ATXN10: variants seen among roughly 807,000 people sequenced by gnomAD.
ATXN10 encodes the protein ataxin-10.
In ATXN10, 28 loss-of-function variants were observed where a neutral mutation model predicts 52.9. That is an observed-to-expected ratio of 0.53 (90% CI 0.39 to 0.73). The LOEUF is 0.73. Ranked by LOEUF, ATXN10 falls within the 30% of genes least tolerant of loss-of-function variation. The pLI, the probability that ATXN10 is intolerant of heterozygous loss-of-function variation, is 0.00. For missense variants in ATXN10, 565 were observed against 577.0 expected, an observed-to-expected ratio of 0.98 and a Z score of 0.21; for synonymous variants, 226 against 221.5, an observed-to-expected ratio of 1.02 and a Z score of -0.18.
intron 6 of ATXN10, among the ~76,000 whole-genome samples, chr22:45,719,852 C>A (rs190351084): frequency 6.6e-6 from 1 of 152,118 alleles, no homozygotes; most frequent in Non-Finnish European, 1.5e-5. Flanking sequence ...ATTCATTCAT[C>A]GTGTTGTGTC....
At chr22:45,710,305 T>C (rs1225495938) in intron 5 of ATXN10, among the ~76,000 whole-genome samples, 6 of 152,230 alleles carry the variant, frequency 3.9e-5, no homozygotes, top group Admixed American at 3.3e-4. Flanking sequence ...CCTGAATCTT[T>C]ACATCCGCTG....
intron 3 of ATXN10, among the ~76,000 whole-genome samples, chr22:45,695,381 A>T (rs1457989515): frequency 6.6e-6 from 1 of 152,192 alleles, no homozygotes; most frequent in African/African-American, 2.4e-5. Context: ...AATTCAATGA[A>T]TATAACCTTT....
In ATXN10 at chr22:45,759,520, CAAAA is replaced by C. The variant is rs1470012429; in HGVS notation, c.1173+18985_1173+18988del. Among the ~76,000 whole-genome samples the C allele has an allele frequency of 6.6e-6, 1 of 152,056 alleles. No homozygotes were observed. The highest frequency in any genetic ancestry group is 2.1e-4 in the South Asian group (1 of 4,822). On this transcript the variant is annotated intron_variant, in intron 9 of 11. Transcript: ENST00000252934. This position sits in a 1 kb window ranked among gnomAD's most constrained non-coding sequence, Gnocchi z 5.4. ...CAAGACTCCGTGTCAAACAAACAAA[CAAAA>C]AAGATTCTAGAGCAGTCTGATCAGG...
At chr22:45,834,737 G>C (rs1341449601) in intron 10 of ATXN10, among the ~76,000 whole-genome samples, 1 of 152,086 alleles carries the variant, frequency 6.6e-6, no homozygotes, top group African/African-American at 2.4e-5. Flanking sequence ...ATAGGAGTCT[G>C]AGCACATGGT....
chr22:45,736,970 T>C (rs2146798492), intron 7 of ATXN10, among the ~76,000 whole-genome samples: 1 of 152,348 alleles, frequency 6.6e-6, no homozygotes, highest in South Asian at 2.1e-4. Context: ...ATTCTTAGGT[T>C]CTGTGAGGTA....
chr22:45,715,521 T>C lies in ATXN10; in HGVS notation c.648-2892T>C, dbSNP rs1220245291. ...AACTTTCTTATAACATGAGTTGTTT[T>C]TGTTATTTGCTGTTGTTGTTGTTGT... On this transcript the variant is annotated intron_variant, in intron 5 of 11. Transcript: ENST00000252934. This position sits in a 1 kb window ranked among gnomAD's most constrained non-coding sequence, Gnocchi z 4.4. 6.6e-6 allele frequency among the ~76,000 whole-genome samples: 1 copy of C among 152,244 alleles called. No homozygotes were observed. The highest frequency in any genetic ancestry group is 1.5e-5 in the Non-Finnish European group (1 of 68,048).
intron 9 of ATXN10, among the ~76,000 whole-genome samples, chr22:45,794,008 C>T (rs1226056486): frequency 3.3e-5 from 5 of 152,126 alleles, no homozygotes; most frequent in East Asian, 1.9e-4. Flanking sequence ...TAACTATATG[C>T]GAATTAAGGG....
chr22:45,760,210 A>G (rs1246227035), intron 9 of ATXN10, among the ~76,000 whole-genome samples: 1 of 152,154 alleles, frequency 6.6e-6, no homozygotes, highest in Non-Finnish European at 1.5e-5. Context: ...CCTACAGATG[A>G]CATTCCCTAT....
chr22:45,737,522 A>G (rs746549240), intron 7 of ATXN10, among the ~76,000 whole-genome samples: 5 of 152,190 alleles, frequency 3.3e-5, no homozygotes, highest in Non-Finnish European at 7.3e-5. Context: ...ATGATATAAA[A>G]TTAAAGATCC....
chr22:45,812,973 G>A (rs1238697857), intron 10 of ATXN10, among the ~76,000 whole-genome samples: 1 of 152,192 alleles, frequency 6.6e-6, no homozygotes, highest in Non-Finnish European at 1.5e-5. Context: ...TTTCTTGGAG[G>A]TAGCTTTTAG....
rs1929468571 is a variant in ATXN10 at position 45,845,155 on chromosome 22, A to T, written c.*1484A>T. On this transcript the variant is annotated 3_prime_UTR_variant, in exon 12 of 12. Transcript: ENST00000252934. The surrounding 1 kb of genome is among the most constrained non-coding windows in gnomAD (Gnocchi z 4.7). ...CTGGCCAAAGGGAGAAAACAGTGGG[A>T]GTCCCTTTTCCCTTTTAACAAGTTT... The T allele has an allele frequency of 6.6e-6, 1 of 152,234 alleles. No individual in the cohort carries two copies. Among genetic ancestry groups the T allele is most frequent in the Non-Finnish European group, 1.5e-5 (1 of 68,030 alleles). The allele number at this position is 152,234 out of a possible 1,614,324, so 9.4% of individuals were successfully genotyped here.
chr22:45,812,398 A>G (rs1441529714), intron 10 of ATXN10, among the ~76,000 whole-genome samples: 1 of 152,214 alleles, frequency 6.6e-6, no homozygotes, highest in Non-Finnish European at 1.5e-5. Flanking sequence ...GGGAAAAGGA[A>G]TGAACAAATA....
chr22:45,797,180 G>A (rs1426851712), intron 9 of ATXN10, among the ~76,000 whole-genome samples: 1 of 152,168 alleles, frequency 6.6e-6, no homozygotes, highest in Non-Finnish European at 1.5e-5. Flanking sequence ...TGAAAGAAAA[G>A]CAGGAGGAAT....
rs1205013390 is a variant in ATXN10, at chr22:45,757,496, G to A, written c.1173+16958G>A. Among the ~76,000 whole-genome samples the A allele has an allele frequency of 2.6e-5, 4 of 152,100 alleles. No individual in the cohort carries two copies. The highest frequency in any genetic ancestry group is 5.9e-5 in the Non-Finnish European group (4 of 68,000). On this transcript the variant is annotated intron_variant, in intron 9 of 11. Transcript: ENST00000252934. This position sits in a 1 kb window ranked among gnomAD's most constrained non-coding sequence, Gnocchi z 4.6. ...AGGCCTCTGGAGAATGTTCCAAAGG[G>A]AGGTGTGGATGTTTCATTCAGTACT...
chr22:45,776,942 TTCTC>T (rs1169826089), intron 9 of ATXN10, among the ~76,000 whole-genome samples: 1 of 152,234 alleles, frequency 6.6e-6, no homozygotes, highest in Admixed American at 6.5e-5. Context: ...TGCACATAAT[TTCTC>T]AATAAATGTA....
chr22:45,682,633 C>G (rs1922973770), intron 1 of ATXN10, among the ~76,000 whole-genome samples: 1 of 152,134 alleles, frequency 6.6e-6, no homozygotes, highest in African/African-American at 2.4e-5. Flanking sequence ...CTCCTGAATG[C>G]TAGACTTGTT....
chr22:45,791,421 A>G (rs774732173), intron 9 of ATXN10, among the ~76,000 whole-genome samples: 12 of 151,966 alleles, frequency 7.9e-5, no homozygotes, highest in Admixed American at 1.3e-4. Context: ...TTTACCTATG[A>G]CATTTACTAT....
At chr22:45,753,789 T>C (rs1176793795) in intron 9 of ATXN10, among the ~76,000 whole-genome samples, 1 of 152,166 alleles carries the variant, frequency 6.6e-6, no homozygotes, top group Non-Finnish European at 1.5e-5. Context: ...TAGCTGCCTG[T>C]GATAATGGTC....
intron 9 of ATXN10, among the ~76,000 whole-genome samples, chr22:45,755,253 C>A (rs755196254): frequency 6.6e-6 from 1 of 152,226 alleles, no homozygotes; most frequent in Non-Finnish European, 1.5e-5. Context: ...ATATTTTCAT[C>A]GTGATAGGAA....
Sources: gnomAD v4.1 joint callset for allele counts (sites outside exome capture counted in the v4.1 genomes callset) on GRCh38, gnomAD v4.1.1 for gene constraint, Gnocchi (gnomAD v3.1) non-coding constraint, MANE v1.5 for transcripts, NCBI Gene and HGNC (gene_info 2026-07-23, HGNC 2026-07-21) for gene names.